ELAPOR2: variants seen among roughly 807,000 people sequenced by gnomAD.
The protein encoded by ELAPOR2 is endosome-lysosome associated apoptosis and autophagy regulator family member 2.
ELAPOR2 carries 89 observed loss-of-function variants against 120.7 expected under a neutral mutation model. The ratio of observed to expected loss-of-function variants is 0.74; its 90% confidence interval spans 0.62 to 0.88. The LOEUF (loss-of-function observed/expected upper bound fraction) is 0.88, where lower values mean the gene tolerates loss of function less well. ELAPOR2 is among the 40% of genes least tolerant of loss of function. The pLI is 0.00. For synonymous variants in ELAPOR2, 444 were observed against 444.9 expected (o/e 1.00, Z 0.03); for missense variants, 1,134 against 1,251.6 (o/e 0.91, Z 1.42).
rs182059399 is a variant in ELAPOR2 at position 86,907,944 on chromosome 7, T to A, written c.2457-173A>T. The stretch of plus-strand genomic sequence containing the variant: ...TCAGCTCATTTACTTTCATTGCCTA[T>A]GAAAAGTTGACTACTTTCCCAGGTA... On this transcript the variant is annotated intron_variant, in intron 17 of 21. Coordinates refer to ENST00000450689, the MANE Select transcript of ELAPOR2 (RefSeq NM_001142749.3). Among the ~76,000 whole-genome samples the A allele has an allele frequency of 1.5e-3, 225 of 152,148 alleles. 3 individuals carry two copies. The highest frequency in any genetic ancestry group is 4.0e-3 in the Admixed American group (61 of 15,262).
intron 1 of ELAPOR2, among the ~76,000 whole-genome samples, chr7:86,992,014 G>C (rs1792958660): frequency 6.6e-6 from 1 of 152,198 alleles, no homozygotes; most frequent in South Asian, 2.1e-4. Flanking sequence ...AAGGAAAATG[G>C]GGATAATAGA....
chr7:87,002,853 T>C (rs1432190825), intron 1 of ELAPOR2, among the ~76,000 whole-genome samples: 1 of 152,094 alleles, frequency 6.6e-6, no homozygotes, highest in Non-Finnish European at 1.5e-5. Flanking sequence ...CTTCTGTGAG[T>C]TGCCAGCCAA....
chr7:86,946,089 A>G (rs1456029298), intron 3 of ELAPOR2, among the ~76,000 whole-genome samples: 1 of 152,034 alleles, frequency 6.6e-6, no homozygotes, highest in African/African-American at 2.4e-5. Context: ...ATGAACAATA[A>G]ACACATGAAA....
At chr7:86,891,172 T>C (rs1366158737) in intron 21 of ELAPOR2, 9 of 151,306 alleles carry the variant, frequency 5.9e-5, no homozygotes, top group African/African-American at 2.2e-4. Flanking sequence ...AACAATCTTG[T>C]CATAAAAAAG....
intron 2 of ELAPOR2, among the ~76,000 whole-genome samples, chr7:86,953,574 G>GA (rs111797806): frequency 2.6e-5 from 4 of 152,000 alleles, no homozygotes; most frequent in Non-Finnish European, 4.4e-5. Context: ...TTTTCATTCA[G>GA]TTTTTTTAGC....
intron 2 of ELAPOR2, among the ~76,000 whole-genome samples, chr7:86,958,849 T>A (rs1791585280): frequency 6.6e-6 from 1 of 152,074 alleles, no homozygotes; most frequent in Non-Finnish European, 1.5e-5. Context: ...GAGTTTAGGA[T>A]TTTTTTTCCA....
intron 18 of ELAPOR2, among the ~76,000 whole-genome samples, chr7:86,899,518 T>C (rs1009081048): frequency 1.3e-5 from 2 of 152,148 alleles, no homozygotes; most frequent in Admixed American, 6.6e-5. Flanking sequence ...TAACTTCAAA[T>C]ACCTTTCCAG....
intron 1 of ELAPOR2, among the ~76,000 whole-genome samples, chr7:87,023,223 T>A (rs1439462104): frequency 1.3e-5 from 2 of 152,224 alleles, no homozygotes; most frequent in South Asian, 4.1e-4. Context: ...CTTTAATCCA[T>A]CTTGAATTAA....
At chr7:86,976,492 A>G (rs1485913474) in intron 1 of ELAPOR2, among the ~76,000 whole-genome samples, 1 of 152,226 alleles carries the variant, frequency 6.6e-6, no homozygotes, top group Non-Finnish European at 1.5e-5. Context: ...GAACTACAAT[A>G]TAAACCACTA....
At chr7:86,891,631 CA>C in intron 21 of ELAPOR2, 92 bp downstream of exon 21, 1 of 1,062,698 alleles carries the variant, frequency 9.4e-7, no homozygotes, top group Admixed American at 2.4e-5. Flanking sequence ...TATAAACATG[CA>C]AAATAACAGC....
chr7:87,013,993 C>A (rs1010199579), intron 1 of ELAPOR2, among the ~76,000 whole-genome samples: 2 of 150,642 alleles, frequency 1.3e-5, no homozygotes, highest in African/African-American at 4.9e-5. Flanking sequence ...CACTGAGTGT[C>A]CTTTTCCCAG....
intron 1 of ELAPOR2, among the ~76,000 whole-genome samples, chr7:86,988,439 A>C (rs1425220330): frequency 6.6e-6 from 1 of 152,238 alleles, no homozygotes; most frequent in African/African-American, 2.4e-5. Context: ...TGTAGCATTT[A>C]CATTGTATTA....
intron 1 of ELAPOR2, among the ~76,000 whole-genome samples, chr7:87,039,298 C>T (rs112785430): frequency 2.6e-5 from 4 of 152,026 alleles, no homozygotes; most frequent in Non-Finnish European, 5.9e-5. Context: ...GCCTGGGACC[C>T]AATGGCTTCA....
At chr7:87,009,536 T>C (rs560620716) in intron 1 of ELAPOR2, among the ~76,000 whole-genome samples, 3 of 152,260 alleles carry the variant, frequency 2.0e-5, no homozygotes, top group South Asian at 2.1e-4. Context: ...AAATTTAATA[T>C]AGTCAGTGGA....
intron 1 of ELAPOR2, among the ~76,000 whole-genome samples, chr7:86,990,763 C>T (rs1438388109): frequency 4.6e-5 from 7 of 152,160 alleles, no homozygotes; most frequent in Non-Finnish European, 8.8e-5. Flanking sequence ...GGCCAAGAGC[C>T]TTATTTCAGC....
chr7:86,941,962 G>T, intron 5 of ELAPOR2, 56 bp downstream of exon 5: 1 of 1,030,220 alleles, frequency 9.7e-7, no homozygotes, highest in Non-Finnish European at 1.5e-6. Context: ...AAAAGGTTGG[G>T]GAAAAAAAGA....
At chr7:86,995,454 T>C (rs1032773302) in intron 1 of ELAPOR2, among the ~76,000 whole-genome samples, 1 of 152,178 alleles carries the variant, frequency 6.6e-6, no homozygotes, top group Non-Finnish European at 1.5e-5. Context: ...GTGTATAAAA[T>C]ATTTTCCCAG....
intron 1 of ELAPOR2, among the ~76,000 whole-genome samples, chr7:86,978,383 C>T (rs988828531): frequency 2.6e-5 from 4 of 152,146 alleles, no homozygotes; most frequent in Non-Finnish European, 4.4e-5. Flanking sequence ...GAAAATTAAA[C>T]ATTTATCTTT....
intron 1 of ELAPOR2, among the ~76,000 whole-genome samples, chr7:87,030,941 G>T (rs1400182303): frequency 6.6e-6 from 1 of 152,136 alleles, no homozygotes; most frequent in Non-Finnish European, 1.5e-5. Flanking sequence ...AAGATGAAAG[G>T]CACATTTTAC....
Sources: allele counts gnomAD v4.1 joint callset (sites outside exome capture counted in the v4.1 genomes callset), GRCh38; gene constraint gnomAD v4.1.1; transcripts MANE v1.5; gene names NCBI Gene and HGNC (gene_info 2026-07-23, HGNC 2026-07-21).